Variants in ZNF804A observed in about 807,000 individuals in gnomAD.
ZNF804A encodes the protein zinc finger protein 804A.
In ZNF804A, 2 loss-of-function variants were observed where a neutral mutation model predicts 16.5. The observed-to-expected ratio is 0.12, with a 90% CI of 0.05 to 0.38. The LOEUF (loss-of-function observed/expected upper bound fraction) is 0.38. ZNF804A is among the 10% of genes least tolerant of loss of function. ZNF804A has a pLI of 0.99. For synonymous variants in ZNF804A, 534 were observed against 489.6 expected, an observed-to-expected ratio of 1.09 and a Z score of -1.20; for missense variants, 1,473 against 1,390.7, an observed-to-expected ratio of 1.06 and a Z score of -0.94.
At chr2:184,763,021 T>G (rs1442729102) in intron 1 of ZNF804A, among the ~76,000 whole-genome samples, 1 of 152,196 alleles carries the variant, frequency 6.6e-6, no homozygotes, top group Non-Finnish European at 1.5e-5. Flanking sequence ...TAAAAATGTA[T>G]CAAATAATTT....
intron 1 of ZNF804A, among the ~76,000 whole-genome samples, chr2:184,755,351 T>C (rs1693943589): frequency 6.6e-6 from 1 of 151,948 alleles, no homozygotes; most frequent in South Asian, 2.1e-4. Context: ...AATGAAGTGT[T>C]TGTTTCTATC....
chr2:184,656,999 C>G (rs1483754582), intron 1 of ZNF804A, among the ~76,000 whole-genome samples: 3 of 152,250 alleles, frequency 2.0e-5, no homozygotes, highest in South Asian at 2.1e-4. Flanking sequence ...AGTTGAAGTT[C>G]TTTAACTGCT....
intron 1 of ZNF804A, among the ~76,000 whole-genome samples, chr2:184,777,158 A>G (rs1048347668): frequency 2.6e-5 from 4 of 151,472 alleles, no homozygotes; most frequent in Non-Finnish European, 5.9e-5. Context: ...CCCAAAAGAC[A>G]CCTTACAGAT....
intron 2 of ZNF804A, among the ~76,000 whole-genome samples, chr2:184,928,307 A>G (rs148830609): frequency 6.6e-6 from 1 of 152,200 alleles, no homozygotes; most frequent in East Asian, 1.9e-4. Context: ...GGGTTTCACA[A>G]TTCTGACTGG....
At chr2:184,699,004 G>A (rs1692879503) in intron 1 of ZNF804A, among the ~76,000 whole-genome samples, 1 of 152,074 alleles carries the variant, frequency 6.6e-6, no homozygotes, top group Admixed American at 6.6e-5. Context: ...GAGACTTGGT[G>A]TTGGTTCACT....
chr2:184,707,945 C>A (rs947535231), intron 1 of ZNF804A, among the ~76,000 whole-genome samples: 6 of 152,012 alleles, frequency 3.9e-5, no homozygotes, highest in Non-Finnish European at 5.9e-5. Context: ...GCCTCATCAG[C>A]ATGTGTTATT....
chr2:184,780,798 G>T (rs530748506), intron 1 of ZNF804A, among the ~76,000 whole-genome samples: 1 of 151,890 alleles, frequency 6.6e-6, no homozygotes, highest in African/African-American at 2.4e-5. Context: ...TGGATTGAGT[G>T]CAATGAGCAG....
intron 1 of ZNF804A, among the ~76,000 whole-genome samples, chr2:184,854,301 G>GA (rs1052451646): frequency 1.3e-5 from 2 of 151,752 alleles, no homozygotes; most frequent in African/African-American, 4.8e-5. Context: ...CATCCCCCAG[G>GA]AAAAAACATC....
chr2:184,905,284 C>T lies in ZNF804A; in HGVS notation c.256-28319C>T, dbSNP rs191552265. Among the ~76,000 whole-genome samples, 292 of 152,170 alleles carry T rather than the reference C, an allele frequency of 1.9e-3. 3 individuals are homozygous for T. In the East Asian group the frequency reaches 0.03, roughly 16 times the overall value. ...CTTGTAAGCTTTCTTTGATTCTTTT[C>T]GATAATACTCAACTACCACTGATTC... On this transcript the variant is annotated intron_variant, in intron 2 of 3. Coordinates refer to ENST00000302277, the MANE Select transcript of ZNF804A (RefSeq NM_194250.2).
At position 184,674,000 on chromosome 2, in the gene ZNF804A, G is replaced by A. The variant is rs1692382228; in HGVS notation, c.111+74930G>A. On this transcript the variant is annotated intron_variant, in intron 1 of 3. Coordinates refer to ENST00000302277, the MANE Select transcript of ZNF804A (RefSeq NM_194250.2). Reference sequence around the variant, plus strand: ...CTCACCCGCTAGTGAAATTGTTGCAGTTTTATTCATTTTTTCATGTTGGTT... The same window carrying A: ...CTCACCCGCTAGTGAAATTGTTGCAATTTTATTCATTTTTTCATGTTGGTT... Among the ~76,000 whole-genome samples, 4 of 151,986 alleles carry A rather than the reference G, an allele frequency of 2.6e-5. No homozygotes were observed. In the South Asian group the frequency reaches 8.3e-4, roughly 32 times the overall value.
At chr2:184,686,768 T>G (rs1346167176) in intron 1 of ZNF804A, among the ~76,000 whole-genome samples, 1 of 152,246 alleles carries the variant, frequency 6.6e-6, no homozygotes, top group Non-Finnish European at 1.5e-5. Context: ...ATTGTGGTTT[T>G]GATTTGCACT....
At chr2:184,928,028 A>T (rs1685636282) in intron 2 of ZNF804A, among the ~76,000 whole-genome samples, 1 of 151,372 alleles carries the variant, frequency 6.6e-6, no homozygotes, top group Non-Finnish European at 1.5e-5. Flanking sequence ...CCTTCTCTCT[A>T]CTTTTCTCAA....
intron 1 of ZNF804A, among the ~76,000 whole-genome samples, chr2:184,647,022 T>C (rs1691888133): frequency 6.6e-6 from 1 of 152,218 alleles, no homozygotes; most frequent in South Asian, 2.1e-4. Context: ...CCCAGCCATG[T>C]TTGCTGCAGC....
At position 184,937,860 on chromosome 2, in the gene ZNF804A, G is replaced by A. The variant is rs747240144; in HGVS notation, c.2464G>A (p.Gly822Arg). 4.3e-6 allele frequency: 7 copies of A among 1,613,914 alleles called. No individual in the cohort carries two copies. Among genetic ancestry groups the A allele is most frequent in the African/African-American group, 1.3e-5 (1 of 74,882 alleles). The change falls in exon 4 of 4, where the codon GGA (glycine) becomes AGA (arginine). Residue 822 changes from glycine (G) to arginine (R), a missense_variant. Coordinates refer to ENST00000302277, the MANE Select transcript of ZNF804A (RefSeq NM_194250.2). ...RRRKRGRFHP[G>R]FETLELKENT... is the part of the protein sequence containing the mutation. ...GCGAAAAAGAGGCAGATTCCACCCC[G>A]GATTTGAAACTTTAGAACTCAAAGA...
chr2:184,836,607 T>G (rs1373781654), intron 1 of ZNF804A, among the ~76,000 whole-genome samples: 1 of 151,998 alleles, frequency 6.6e-6, no homozygotes, highest in Non-Finnish European at 1.5e-5. Context: ...ATATGAATGC[T>G]GATCTTGGAA....
chr2:184,835,676 A>C (rs75468340), intron 1 of ZNF804A, among the ~76,000 whole-genome samples: 1 of 150,908 alleles, frequency 6.6e-6, no homozygotes, highest in African/African-American at 2.5e-5. Flanking sequence ...AAAAAAAAAA[A>C]CAGAAAAAAG....
intron 1 of ZNF804A, among the ~76,000 whole-genome samples, chr2:184,717,251 C>A (rs866119123): frequency 4.6e-5 from 7 of 152,112 alleles, no homozygotes; most frequent in Admixed American, 4.6e-4. Flanking sequence ...GAAATCTTTT[C>A]ATTTATTTTT....
chr2:184,879,288 C>CTCTAAAGTG (rs1243190573), intron 2 of ZNF804A, among the ~76,000 whole-genome samples: 1 of 152,004 alleles, frequency 6.6e-6, no homozygotes, highest in African/African-American at 2.4e-5. Context: ...AGAGTTCTGA[C>CTCTAAAGTG]AGTCTTTAAC....
At chr2:184,726,392 T>G (rs1389836574) in intron 1 of ZNF804A, among the ~76,000 whole-genome samples, 2 of 151,644 alleles carry the variant, frequency 1.3e-5, no homozygotes, top group African/African-American at 4.8e-5. Context: ...TGTAGGAACA[T>G]ATTTCTGAAT....
Sources: allele counts gnomAD v4.1 joint callset (sites outside exome capture counted in the v4.1 genomes callset), GRCh38; gene constraint gnomAD v4.1.1; transcripts MANE v1.5; gene names NCBI Gene and HGNC (gene_info 2026-07-23, HGNC 2026-07-21).